Variants in PIGN observed in about 807,000 individuals in gnomAD.
PIGN encodes phosphatidylinositol glycan anchor biosynthesis class N.
PIGN carries 117 observed loss-of-function variants against 125.4 expected under a neutral mutation model. That is an observed-to-expected ratio of 0.93 (90% CI 0.80 to 1.09). The LOEUF is 1.09. Ranked by LOEUF, PIGN falls within the 50% of genes least tolerant of loss-of-function variation. The pLI, the probability that PIGN is intolerant of heterozygous loss-of-function variation, is 0.00. For missense variants in PIGN, 1,075 were observed against 1,094.9 expected, an observed-to-expected ratio of 0.98 and a Z score of 0.26; for synonymous variants, 392 against 377.8, an observed-to-expected ratio of 1.04 and a Z score of -0.44.
At chr18:62,052,250 G>A in intron 30 of PIGN, 1 of 151,630 alleles carries the variant, frequency 6.6e-6, no homozygotes, top group Admixed American at 6.6e-5. Flanking sequence ...CAATTCCTGG[G>A]TATCCTTGAT....
In PIGN at chr18:62,043,370, A is replaced by G. The variant is rs1030218275; in HGVS notation, c.*2486T>C. 9.9e-5 allele frequency: 15 copies of G among 152,192 alleles called. No individual in the cohort carries two copies. Among genetic ancestry groups the G allele is most frequent in the African/African-American group, 3.4e-4 (14 of 41,430 alleles). The allele number at this position is 152,192 out of a possible 1,614,324, so 9.4% of individuals were successfully genotyped here. The stretch of plus-strand genomic sequence containing the variant: ...TTTTTAATGGCACAGTTATATGTCA[A>G]AAAGGAGGAGAAAAGGAGCCCCTAG... On this transcript the variant is annotated 3_prime_UTR_variant, in exon 31 of 31. Transcript: ENST00000640252.
intron 14 of PIGN, among the ~76,000 whole-genome samples, chr18:62,117,630 T>C (rs1209283099): frequency 6.6e-6 from 1 of 152,056 alleles, no homozygotes; most frequent in Non-Finnish European, 1.5e-5. Flanking sequence ...TTTTATTATA[T>C]CCTCTATTCT....
chr18:62,032,493 T>A (rs946143199), intron 23 of PIGN, among the ~76,000 whole-genome samples: 1 of 152,214 alleles, frequency 6.6e-6, no homozygotes, highest in African/African-American at 2.4e-5. Flanking sequence ...CAGGAGCATG[T>A]TTTCCTAAGT....
intron 23 of PIGN, among the ~76,000 whole-genome samples, chr18:62,027,928 A>T (rs1408869002): frequency 6.6e-6 from 1 of 152,102 alleles, no homozygotes; most frequent in African/African-American, 2.4e-5. Context: ...AAAAAAAGAA[A>T]GAAAGAAAAG....
At chr18:62,023,365 T>A (rs952968379) in intron 23 of PIGN, among the ~76,000 whole-genome samples, 15 of 152,366 alleles carry the variant, frequency 9.8e-5, no homozygotes, top group Admixed American at 3.9e-4. Context: ...CTTAGCATAA[T>A]GTTTTCAAGG....
At chr18:62,146,849 T>C in intron 9 of PIGN, 122 bp downstream of exon 9, 1 of 909,012 alleles carries the variant, frequency 1.1e-6, no homozygotes, top group Non-Finnish European at 1.5e-6. Flanking sequence ...AAGCACAGAA[T>C]TATGTGCTAG....
At position 62,146,022 on chromosome 18, in the gene PIGN, G is replaced by C; in HGVS notation, c.809C>G (p.Ser270Cys). The C allele has an allele frequency of 6.8e-7, 1 of 1,464,964 alleles. No individual in the cohort carries two copies. The highest frequency in any genetic ancestry group is 9.4e-7 in the Non-Finnish European group (1 of 1,064,586). The allele number at this position is 1,464,964 out of a possible 1,614,324, so 90.7% of individuals were successfully genotyped here. A position where few individuals can be genotyped will look rare whatever the true frequency, so the allele number is the denominator to read the frequency against. Residue 270 changes from serine to cysteine, a missense_variant, in exon 10 of 31, where the codon TCC becomes TGC. This residue lies in a region of PIGN where 915 missense variants were observed against 908.7 expected (regional missense o/e 1.01). Coordinates refer to ENST00000640252, the MANE Select transcript of PIGN (RefSeq NM_176787.5). ...TSDHGMTDWG[S>C]HGAGHPSETL... The stretch of plus-strand genomic sequence containing the variant: ...CTCTGAAGGATGACCAGCCCCATGG[G>C]AACCTACAAATAAGATATAAAGAAT...
At position 62,186,928 on chromosome 18, in the gene PIGN, G is replaced by A. The variant is rs1006577051; in HGVS notation, c.-320C>T. The A allele has an allele frequency of 6.6e-6, 1 of 152,332 alleles. No individual in the cohort carries two copies. Among genetic ancestry groups the A allele is most frequent in the African/African-American group, 2.4e-5 (1 of 41,426 alleles). The allele number at this position is 152,332 out of a possible 1,614,324, so 9.4% of individuals were successfully genotyped here. ...GGACCCAGCTCCATTAAAGCTCTCG[G>A]GCAGTGGTCCCCTCTACCCACTGAA... On this transcript the variant is annotated 5_prime_UTR_variant, in exon 1 of 31. Transcript: ENST00000640252.
chr18:62,109,577 A>G (rs2034792599), intron 17 of PIGN, among the ~76,000 whole-genome samples: 1 of 152,168 alleles, frequency 6.6e-6, no homozygotes. Context: ...TTTTTCTATA[A>G]AAGATACACA....
chr18:62,021,981 C>CTAT (rs1004612132), intron 23 of PIGN, among the ~76,000 whole-genome samples: 85 of 151,952 alleles, frequency 5.6e-4, no homozygotes, highest in Admixed American at 7.9e-4. Flanking sequence ...TTAGTAGTAG[C>CTAT]TATTATTATT....
downstream of PIGN, among the ~76,000 whole-genome samples, chr18:62,036,199 G>A: frequency 6.6e-6 from 1 of 152,150 alleles, no homozygotes; most frequent in Non-Finnish European, 1.5e-5. Context: ...CATTGCAAGG[G>A]AAGATGAGTT....
At chr18:62,151,397 C>T (rs1027036426) in intron 7 of PIGN, among the ~76,000 whole-genome samples, 6 of 152,204 alleles carry the variant, frequency 3.9e-5, no homozygotes, top group African/African-American at 1.4e-4. Flanking sequence ...AGAGATGCAA[C>T]TTCTCAGGTA....
At chr18:62,082,610 A>C in intron 28 of PIGN, 63 bp downstream of exon 28, 1 of 855,504 alleles carries the variant, frequency 1.2e-6, no homozygotes, top group South Asian at 1.5e-5. Flanking sequence ...AATGTCTTCG[A>C]AAGTTTACTC....
intron 16 of PIGN, 73 bp from the exon 17 acceptor site, chr18:62,110,046 A>T: frequency 1.4e-6 from 2 of 1,402,416 alleles, no homozygotes. Flanking sequence ...GAGATTTTAT[A>T]AAGTAAAGAA....
At chr18:62,154,887 A>G (rs1023075274) in intron 6 of PIGN, among the ~76,000 whole-genome samples, 1 of 152,188 alleles carries the variant, frequency 6.6e-6, no homozygotes, top group Non-Finnish European at 1.5e-5. Flanking sequence ...AAAATAACAT[A>G]TTTTAATTTC....
At position 62,089,385 on chromosome 18, in the gene PIGN, C is replaced by T. The variant is rs1320912274; in HGVS notation, c.2284-543G>A. On this transcript the variant is annotated intron_variant, in intron 24 of 30. Transcript: ENST00000640252. Reference sequence around the variant, plus strand: ...AGTGCACTCTTGCTTAATCACCCTCCACAAATAGAACACTAATGGGTGAAT... The same window carrying T: ...AGTGCACTCTTGCTTAATCACCCTCTACAAATAGAACACTAATGGGTGAAT... 3.3e-5 allele frequency among the ~76,000 whole-genome samples: 5 copies of T among 152,108 alleles called. No individual in the cohort carries two copies. The East Asian group carries it at 9.6e-4, about 29-fold the overall frequency.
In PIGN at chr18:62,138,281, C is replaced by A; in HGVS notation, c.1134G>T (p.Lys378Asn). The stretch of plus-strand genomic sequence containing the variant: ...ACAAAAATGGTAAAGTAACTTCTTT[C>A]TTCTGAGTCATTTTCACCTGGGAAC... ...LEQFKVKMTQKKEVTLPFLFT... is the reference protein window; with the variant it reads ...LEQFKVKMTQNKEVTLPFLFT... Residue 378 changes from lysine to asparagine, a missense_variant, in exon 14 of 31, where the codon AAG (lysine) becomes AAT (asparagine). Transcript: ENST00000640252. 1 of 1,545,100 alleles carries A rather than the reference C, an allele frequency of 6.5e-7. No homozygotes were observed. The highest frequency in any genetic ancestry group is 8.7e-7 in the Non-Finnish European group (1 of 1,143,992).
At chr18:62,133,311 T>G (rs2035808287) in intron 14 of PIGN, among the ~76,000 whole-genome samples, 1 of 152,208 alleles carries the variant, frequency 6.6e-6, no homozygotes, top group African/African-American at 2.4e-5. Flanking sequence ...GAATCTTATC[T>G]CTTTATGTAC....
chr18:62,116,491 G>A (rs1040118805), intron 14 of PIGN, among the ~76,000 whole-genome samples: 2 of 152,134 alleles, frequency 1.3e-5, no homozygotes, highest in African/African-American at 4.8e-5. Flanking sequence ...GCATAATGGT[G>A]AAACTCTTCA....
Sources: allele counts gnomAD v4.1 joint callset (sites outside exome capture counted in the v4.1 genomes callset), GRCh38; gene constraint gnomAD v4.1.1; regional missense constraint gnomAD v4.1.1; transcripts MANE v1.5; gene names NCBI Gene and HGNC (gene_info 2026-07-23, HGNC 2026-07-21).